The following TRIM9 variants were observed in gnomAD, a reference collection of about 807,000 sequenced individuals.
The protein encoded by TRIM9 is tripartite motif containing 9.
In TRIM9, 26 loss-of-function variants were observed where a neutral mutation model predicts 78.3. The observed-to-expected ratio is 0.33, with a 90% confidence interval of 0.24 to 0.46. TRIM9 has a LOEUF of 0.46. Ranked by LOEUF, TRIM9 falls within the 20% of genes least tolerant of loss-of-function variation. The pLI, the probability that TRIM9 is intolerant of heterozygous loss-of-function variation, is 1.00. For synonymous variants in TRIM9, 398 were observed against 416.5 expected, an observed-to-expected ratio of 0.96 and a Z score of 0.54; for missense variants, 787 against 1,036.4, an observed-to-expected ratio of 0.76 and a Z score of 3.30.
At chr14:51,079,074 G>T (rs1278861536) in intron 1 of TRIM9, among the ~76,000 whole-genome samples, 2 of 152,114 alleles carry the variant, frequency 1.3e-5, no homozygotes, top group South Asian at 4.1e-4. Flanking sequence ...TTTTGATGGT[G>T]CTTTCACAAA....
intron 1 of TRIM9, among the ~76,000 whole-genome samples, chr14:51,082,788 C>G (rs2063418396): frequency 6.6e-6 from 1 of 152,142 alleles, no homozygotes; most frequent in Non-Finnish European, 1.5e-5. Context: ...AAAAAAGTGA[C>G]TTGTTGTTCC....
At chr14:51,065,795 GGCTCCTTTAA>G (rs1207385676) in intron 1 of TRIM9, among the ~76,000 whole-genome samples, 1 of 151,930 alleles carries the variant, frequency 6.6e-6, no homozygotes, top group Non-Finnish European at 1.5e-5. Context: ...ACATTAGCTT[GGCTCCTTTAA>G]GCTGCTATGC....
intron 1 of TRIM9, among the ~76,000 whole-genome samples, chr14:51,075,800 C>T (rs968888558): frequency 2.0e-5 from 3 of 152,164 alleles, no homozygotes; most frequent in African/African-American, 7.2e-5. Context: ...TGCTCTTGGC[C>T]ACCTTCTGAC....
At chr14:51,002,373 A>T (rs1428730707) in intron 5 of TRIM9, among the ~76,000 whole-genome samples, 1 of 151,630 alleles carries the variant, frequency 6.6e-6, no homozygotes, top group Non-Finnish European at 1.5e-5. Context: ...TGACCTCATG[A>T]TCCACCTGCC....
At chr14:51,015,491 C>G (rs1396679752) in intron 3 of TRIM9, among the ~76,000 whole-genome samples, 1 of 94,954 alleles carries the variant, frequency 1.1e-5, no homozygotes, top group African/African-American at 4.1e-5. Context: ...ATGCTTTTTT[C>G]TTTCTTTACT....
At chr14:50,980,485 G>A (rs1023281231) in intron 11 of TRIM9, among the ~76,000 whole-genome samples, 1 of 152,158 alleles carries the variant, frequency 6.6e-6, no homozygotes, top group South Asian at 2.1e-4. Flanking sequence ...TTAAAAGACA[G>A]GTTTACAAAT....
At chr14:50,998,210 G>A in intron 6 of TRIM9, 22 bp from the exon 7 acceptor site, 1 of 1,612,894 alleles carries the variant, frequency 6.2e-7, no homozygotes, top group Non-Finnish European at 8.5e-7. Context: ...CAAAGAACAG[G>A]ACAGCACTTA....
In TRIM9 at chr14:51,006,463, C is replaced by A. The variant is rs565552636; in HGVS notation, c.1306+2617G>T. 2.0e-4 allele frequency among the ~76,000 whole-genome samples: 31 copies of A among 152,236 alleles called. 1 individual carries two copies. The South Asian group carries it at 6.4e-3, about 32-fold the overall frequency. On this transcript the variant is annotated intron_variant, in intron 5 of 12. Coordinates refer to ENST00000684578, the MANE Select transcript of TRIM9 (RefSeq NM_001387360.1). ...AATAGAAGTCTGAACTCCAGCCAATCAAGTTCTATTGTGTCATGACCTTTG... is the reference window on the plus strand; with the variant it reads ...AATAGAAGTCTGAACTCCAGCCAATAAAGTTCTATTGTGTCATGACCTTTG...
chr14:51,015,335 T>C (rs1285413549), intron 3 of TRIM9, among the ~76,000 whole-genome samples: 1 of 151,862 alleles, frequency 6.6e-6, no homozygotes, highest in Non-Finnish European at 1.5e-5. Context: ...GCAGTTCATG[T>C]GACACAACCA....
intron 1 of TRIM9, among the ~76,000 whole-genome samples, chr14:51,040,386 T>TGA (rs2059489123): frequency 2.0e-5 from 3 of 152,188 alleles, no homozygotes; most frequent in Admixed American, 2.0e-4. Context: ...CCTTTTCTTC[T>TGA]GTTGCCTGTA....
At chr14:51,076,999 C>A (rs2062841974) in intron 1 of TRIM9, among the ~76,000 whole-genome samples, 1 of 152,192 alleles carries the variant, frequency 6.6e-6, no homozygotes, top group African/African-American at 2.4e-5. Flanking sequence ...TCCTCTGGCT[C>A]CAACTCTCAT....
intron 1 of TRIM9, among the ~76,000 whole-genome samples, chr14:51,075,710 G>T (rs939862707): frequency 2.0e-5 from 3 of 152,190 alleles, no homozygotes; most frequent in Non-Finnish European, 2.9e-5. Flanking sequence ...ATTAAAAATG[G>T]CAGCGGGGAT....
Position 50,983,433 on chromosome 14 carries a change from TACTAC to T in TRIM9, c.1793-17_1793-13del, listed in dbSNP as rs2052255617. 6.5e-7 allele frequency: 1 copy of T among 1,536,028 alleles called. No individual in the cohort carries two copies. Among genetic ancestry groups the T allele is most frequent in the South Asian group, 1.2e-5 (1 of 81,110 alleles). ...CTCAAAATTGCATCCTATAAAGAGA[TACTAC>T]ACATCAACGCTATGAAACAACAACC... is the stretch of plus-strand genomic sequence containing the variant. On this transcript the variant is annotated splice_polypyrimidine_tract_variant and intron_variant, in intron 8 of 12. Transcript: ENST00000684578.
chr14:50,977,316 T>A lies in TRIM9; in HGVS notation c.2363A>T (p.Tyr788Phe). The change falls in exon 13 of 13, where the codon TAC becomes TTC. Residue 788 changes from tyrosine to phenylalanine, a missense_variant. This residue lies in a region of TRIM9 where 421 missense variants were observed against 514.3 expected (regional missense o/e 0.82). Coordinates refer to ENST00000684578, the MANE Select transcript of TRIM9 (RefSeq NM_001387360.1). ...LHTGLPVPDF[Y>F]SSRASIA Reference sequence around the variant, plus strand: ...TTAGGCTATTGATGCTCTGCTGGAGTAGAAGTCGGGGACTGGGAGCCCGGT... The same window carrying A: ...TTAGGCTATTGATGCTCTGCTGGAGAAGAAGTCGGGGACTGGGAGCCCGGT... The A allele has an allele frequency of 6.5e-7, 1 of 1,546,022 alleles. No homozygotes were observed. Among genetic ancestry groups the A allele is most frequent in the Non-Finnish European group, 8.7e-7 (1 of 1,143,482 alleles).
chr14:51,041,369 C>T (rs1205419685), intron 1 of TRIM9, among the ~76,000 whole-genome samples: 1 of 152,254 alleles, frequency 6.6e-6, no homozygotes, highest in Non-Finnish European at 1.5e-5. Context: ...CCGCTAACAT[C>T]ACACACCCAG....
At chr14:51,036,060 A>AT (rs1326045904) in intron 1 of TRIM9, among the ~76,000 whole-genome samples, 1 of 152,196 alleles carries the variant, frequency 6.6e-6, no homozygotes, top group Admixed American at 6.5e-5. Context: ...GACTTGGCAA[A>AT]TCAATTTTCC....
intron 7 of TRIM9, among the ~76,000 whole-genome samples, chr14:50,989,530 A>G (rs1256245378): frequency 6.6e-6 from 1 of 152,180 alleles, no homozygotes; most frequent in East Asian, 1.9e-4. Flanking sequence ...CAGGATAATA[A>G]TTATTATTAA....
chr14:51,025,773 A>G (rs73288867), intron 1 of TRIM9, among the ~76,000 whole-genome samples: 85 of 152,276 alleles, frequency 5.6e-4, no homozygotes, highest in African/African-American at 1.7e-3. Context: ...GGCAGAAAGA[A>G]TAGAGTAAAG....
At chr14:51,091,372 A>G (rs2064306582) in intron 1 of TRIM9, 1 of 152,196 alleles carries the variant, frequency 6.6e-6, no homozygotes, top group South Asian at 2.1e-4. Context: ...AATGACTAAT[A>G]TGATAGAATA....
Sources: gnomAD v4.1 joint callset for allele counts (sites outside exome capture counted in the v4.1 genomes callset) on GRCh38, gnomAD v4.1.1 for gene constraint, gnomAD v4.1.1 regional missense constraint, MANE v1.5 for transcripts, NCBI Gene and HGNC (gene_info 2026-07-23, HGNC 2026-07-21) for gene names.